Variants in APLP1 observed in about 807,000 individuals in gnomAD.
APLP1 encodes the protein amyloid beta (A4) precursor-like protein 1.
APLP1 carries 46 observed loss-of-function variants against 84.5 expected under a neutral mutation model. The observed-to-expected ratio is 0.54, with a 90% CI of 0.43 to 0.70. APLP1 has a LOEUF of 0.70. APLP1 is among the 30% of genes least tolerant of loss of function. The pLI, the probability that APLP1 is intolerant of heterozygous loss-of-function variation, is 0.00. For synonymous variants in APLP1, 376 were observed against 364.0 expected (o/e 1.03, Z -0.38); for missense variants, 826 against 900.2 (o/e 0.92, Z 1.05).
rs937810218 is a variant in APLP1, at chr19:35,879,169, C to T, written c.1809C>T (p.Leu603=). The change falls in exon 16 of 17, where the codon CTC becomes CTT. Residue 603 remains leucine (L), a synonymous_variant. Coordinates refer to ENST00000221891, the MANE Select transcript of APLP1 (RefSeq NM_001024807.3). The stretch of plus-strand genomic sequence containing the variant: ...CCCTCATCGTCCTCTCCATGCTGCT[C>T]CTGCGCAGGAAGAAGCCCTACGGGG... ...GGSLIVLSML[L]LRRKKPYGAI... 30 of 1,612,940 alleles carry T rather than the reference C, an allele frequency of 1.9e-5. No individual in the cohort carries two copies. The highest frequency in any genetic ancestry group is 2.5e-5 in the Non-Finnish European group (29 of 1,180,014).
chr19:35,869,843 C>G (rs1453010157), intron 2 of APLP1, 33 bp downstream of exon 2: 2 of 1,555,910 alleles, frequency 1.3e-6, no homozygotes. Context: ...GGCGGGGCCG[C>G]CCATAGAAAG....
intron 10 of APLP1, among the ~76,000 whole-genome samples, chr19:35,875,736 C>T (rs1974268140): frequency 6.6e-6 from 1 of 152,168 alleles, no homozygotes; most frequent in Admixed American, 6.5e-5. Context: ...GCTGGGATTA[C>T]AGGCGTGAGC....
rs1568475992 is a variant in APLP1, at chr19:35,874,306, C to T, written c.1057-198C>T. 6.6e-6 allele frequency among the ~76,000 whole-genome samples: 1 copy of T among 152,222 alleles called. No homozygotes were observed. Among genetic ancestry groups the T allele is most frequent in the Non-Finnish European group, 1.5e-5 (1 of 68,030 alleles). On this transcript the variant is annotated intron_variant, in intron 8 of 16. Transcript: ENST00000221891. This position sits in a 1 kb window ranked among gnomAD's most constrained non-coding sequence, Gnocchi z 6.4. ...CTTACAGTTTACATCCTCACATTGG[C>T]TCCCAGTGGGCCTAGTCCCACCTCC...
In APLP1 at chr19:35,877,801, C is replaced by T; in HGVS notation, c.1528C>T (p.Leu510=). ...PGGSSEDKGG[L]QPPDSKDADT... ...GGGCAGCAGCGAGGACAAGGGTGGGCTGCAGCCTCCAGATTCCAAGGATGG... is the reference window on the plus strand; with the variant it reads ...GGGCAGCAGCGAGGACAAGGGTGGGTTGCAGCCTCCAGATTCCAAGGATGG... The change falls in exon 12 of 17, where the codon CTG becomes TTG. Residue 510 remains leucine (L), a synonymous_variant. Coordinates refer to ENST00000221891, the MANE Select transcript of APLP1 (RefSeq NM_001024807.3). 6.2e-7 allele frequency: 1 copy of T among 1,610,732 alleles called. No individual in the cohort carries two copies. The highest frequency in any genetic ancestry group is 8.5e-7 in the Non-Finnish European group (1 of 1,179,044).
Position 35,878,069 on chromosome 19 carries a change from C to T in APLP1, c.1553-13C>T. 5 of 1,612,272 alleles carry T rather than the reference C, an allele frequency of 3.1e-6. No homozygotes were observed. The highest frequency in any genetic ancestry group is 4.2e-6 in the Non-Finnish European group (5 of 1,179,274). Reference sequence around the variant, plus strand: ...CTTCACTGTTCCACTCCCTTGCTTCCTCTGGCTGCCAGCAGACACCCCCAT... The same window carrying T: ...CTTCACTGTTCCACTCCCTTGCTTCTTCTGGCTGCCAGCAGACACCCCCAT... On this transcript the variant is annotated splice_polypyrimidine_tract_variant and intron_variant, in intron 12 of 16. Transcript: ENST00000221891.
At chr19:35,869,443 C>G (rs1407916496) in intron 1 of APLP1, 2 of 684,504 alleles carry the variant, frequency 2.9e-6, no homozygotes, top group African/African-American at 3.7e-5. Context: ...GGCAACAAGG[C>G]AGAAAGAATC....
chr19:35,874,356 C>G lies in APLP1; in HGVS notation c.1057-148C>G, dbSNP rs1461658005. The G allele has an allele frequency of 5.2e-6, 5 of 956,344 alleles. No individual in the cohort carries two copies. In the African/African-American group the frequency reaches 8.1e-5, roughly 16 times the overall value. The allele number at this position is 956,344 out of a possible 1,614,324, so 59.2% of individuals were successfully genotyped here. A position where few individuals can be genotyped will look rare whatever the true frequency, so the allele number is the denominator to read the frequency against. On this transcript the variant is annotated intron_variant, in intron 8 of 16. Coordinates refer to ENST00000221891, the MANE Select transcript of APLP1 (RefSeq NM_001024807.3). The surrounding 1 kb of genome is among the most constrained non-coding windows in gnomAD (Gnocchi z 6.4). The stretch of plus-strand genomic sequence containing the variant: ...CACTCTGCCTGGCCCTGTAGCCCAC[C>G]CCTTCCAGTCCATAACCTTTGGTTC...
intron 8 of APLP1, among the ~76,000 whole-genome samples, 162 bp downstream of exon 8, chr19:35,873,875 C>T (rs952627724): frequency 1.3e-5 from 2 of 152,150 alleles, no homozygotes; most frequent in Non-Finnish European, 2.9e-5. Flanking sequence ...CCCTCTTAGC[C>T]GTCATCTGAC....
rs533968584 is a variant in APLP1 at position 35,870,039 on chromosome 19, T to C, written c.291+229T>C. ...GTGGAATTTAGGAATCTGGTGGTCT[T>C]TGTAAAGAGTAGAGGTGTAGGGGGG... On this transcript the variant is annotated intron_variant, in intron 2 of 16. Transcript: ENST00000221891. 55 of 600,412 alleles carry C rather than the reference T, an allele frequency of 9.2e-5. 1 individual carries two copies. In the Admixed American group the frequency reaches 1.7e-3, roughly 18 times the overall value. The allele number at this position is 600,412 out of a possible 1,614,324, so 37.2% of individuals were successfully genotyped here.
Position 35,878,115 on chromosome 19 carries a change from GTC to G in APLP1, c.1579+10_1579+11del. ...CCCATGACCCTTCCAAAAGGTGAGT[GTC>G]TCACAGTTAACCCCAGCCTCCAAAT... On this transcript the variant is annotated splice_region_variant and intron_variant, in intron 13 of 16. Transcript: ENST00000221891. 2 of 1,612,274 alleles carry G rather than the reference GTC, an allele frequency of 1.2e-6. No homozygotes were observed. Among genetic ancestry groups the G allele is most frequent in the African/African-American group, 2.7e-5 (2 of 74,932 alleles).
rs114197941 is a variant in APLP1 at position 35,873,087 on chromosome 19, C to T, written c.981+474C>T. 9.2e-3 allele frequency among the ~76,000 whole-genome samples: 1,393 copies of T among 151,084 alleles called. 19 individuals carry two copies. Among genetic ancestry groups the T allele is most frequent in the African/African-American group, 0.032 (1,301 of 41,126 alleles). On this transcript the variant is annotated intron_variant, in intron 7 of 16. Coordinates refer to ENST00000221891, the MANE Select transcript of APLP1 (RefSeq NM_001024807.3). ...GTTGGCCAGGATGGTCTTGAACTCC[C>T]GGCGGGAGGAGATCCACCCGCCTCG... is the stretch of plus-strand genomic sequence containing the variant.
Position 35,870,957 on chromosome 19 carries a change from G to A in APLP1, c.353G>A (p.Arg118His), listed in dbSNP as rs770640861. The A allele has an allele frequency of 5.7e-6, 9 of 1,589,948 alleles. No individual in the cohort carries two copies. The highest frequency in any genetic ancestry group is 4.5e-5 in the East Asian group (2 of 44,046). Residue 118 changes from arginine (R) to histidine (H), a missense_variant, in exon 3 of 17, where the codon CGC becomes CAC. Physicochemically the swap from Arg to His is conservative, Grantham distance 29. Around this residue, in one of 3 missense-constraint regions of APLP1, gnomAD observed 383 missense variants for 378.3 expected, o/e 1.01. Coordinates refer to ENST00000221891, the MANE Select transcript of APLP1 (RefSeq NM_001024807.3). ...GCTACGCAGGCCATCCCCATGGAGC[G>A]CTGGTGCGGGGGTTCCCGGAGCGGC... Reference protein sequence around the residue: ...EQATQAIPMERWCGGSRSGSC... With the variant: ...EQATQAIPMEHWCGGSRSGSC...
rs1974359415 is a variant in APLP1, at chr19:35,879,231, C to T, written c.1857+14C>T. 1.9e-6 allele frequency: 3 copies of T among 1,610,842 alleles called. No individual in the cohort carries two copies. Among genetic ancestry groups the T allele is most frequent in the Middle Eastern group, 1.7e-4 (1 of 6,052 alleles). On this transcript the variant is annotated intron_variant, in intron 16 of 16. Transcript: ENST00000221891. ...GGCGTGGTGGAGGTGAGAACCATGG[C>T]GTGGTGGAGGTGTGGGAAGAGTTCC...
At chr19:35,876,227 C>G (rs1361847510) in intron 10 of APLP1, among the ~76,000 whole-genome samples, 3 of 152,190 alleles carry the variant, frequency 2.0e-5, no homozygotes, top group Non-Finnish European at 2.9e-5. Context: ...AAACTCCATT[C>G]TGTGCTCTTG....
At position 35,868,735 on chromosome 19, in the gene APLP1, G is replaced by T. The variant is rs1369749532; in HGVS notation, c.99G>T (p.Ala33=). ...CACTATTGCTGCTGCTTCTGCGCGC[G>T]CAGCCCGCCATCGGGAGCCTGGCCG... ...LLPLLLLLLR[A]QPAIGSLAGG... The change falls in exon 1 of 17, where the codon GCG becomes GCT. Residue 33 remains alanine, a synonymous_variant. Transcript: ENST00000221891. This position sits in a 1 kb window ranked among gnomAD's most constrained non-coding sequence, Gnocchi z 5.2. 1.4e-6 allele frequency: 2 copies of T among 1,389,392 alleles called. No homozygotes were observed. Among genetic ancestry groups the T allele is most frequent in the Admixed American group, 3.3e-5 (1 of 30,042 alleles). 86.1% of individuals were successfully genotyped at this position (1,389,392 alleles called of 1,614,324 possible).
chr19:35,868,720 G>T lies in APLP1; in HGVS notation c.84G>T (p.Leu28=). The T allele has an allele frequency of 2.1e-6, 3 of 1,407,278 alleles. No homozygotes were observed. Among genetic ancestry groups the T allele is most frequent in the Non-Finnish European group, 2.8e-6 (3 of 1,084,740 alleles). 87.2% of individuals were successfully genotyped at this position (1,407,278 alleles called of 1,614,324 possible). A position where few individuals can be genotyped will look rare whatever the true frequency, so the allele number is the denominator to read the frequency against. The part of the protein sequence containing the change: ...PPLPLLLPLL[L]LLLRAQPAIG... ...TGCCGCTGCTGCTGCCACTATTGCT[G>T]CTGCTTCTGCGCGCGCAGCCCGCCA... is the stretch of plus-strand genomic sequence containing the variant. The change falls in exon 1 of 17, where the codon CTG becomes CTT. Residue 28 remains leucine (L), a synonymous_variant. Transcript: ENST00000221891. The surrounding 1 kb of genome is among the most constrained non-coding windows in gnomAD (Gnocchi z 5.2).
Position 35,879,469 on chromosome 19 carries a change from G to T in APLP1, c.*28G>T, listed in dbSNP as rs764542691. On this transcript the variant is annotated 3_prime_UTR_variant, in exon 17 of 17. Coordinates refer to ENST00000221891, the MANE Select transcript of APLP1 (RefSeq NM_001024807.3). ...CGGCCCCCTTCACCCCTTCAGCCGA[G>T]CCCAGACCTCCCCTCTTCCTGGAGC... The T allele has an allele frequency of 3.7e-6, 6 of 1,601,422 alleles. No homozygotes were observed. The highest frequency in any genetic ancestry group is 2.2e-5 in the East Asian group (1 of 44,822).
intron 7 of APLP1, among the ~76,000 whole-genome samples, chr19:35,873,203 C>T (rs1281144197): frequency 6.6e-6 from 1 of 151,492 alleles, no homozygotes; most frequent in Admixed American, 6.6e-5. Context: ...CTCTTGGGAA[C>T]CCAGGAGCCA....
Position 35,878,082 on chromosome 19 carries a change from C to T in APLP1, c.1553C>T (p.Ala518Val), listed in dbSNP as rs757239434. Reference protein sequence around the residue: ...GGLQPPDSKDADTPMTLPKGS... With the variant: ...GGLQPPDSKDVDTPMTLPKGS... ...CTCCCTTGCTTCCTCTGGCTGCCAG[C>T]AGACACCCCCATGACCCTTCCAAAA... is the stretch of plus-strand genomic sequence containing the variant. Residue 518 changes from alanine to valine, a missense_variant and splice_region_variant, in exon 13 of 17, where the codon GCA (alanine) becomes GTA (valine). Coordinates refer to ENST00000221891, the MANE Select transcript of APLP1 (RefSeq NM_001024807.3). 5 of 1,612,574 alleles carry T rather than the reference C, an allele frequency of 3.1e-6. No homozygotes were observed. The Admixed American group carries it at 8.4e-5, about 27-fold the overall frequency.
Sources: gnomAD v4.1 joint callset for allele counts (sites outside exome capture counted in the v4.1 genomes callset) on GRCh38, gnomAD v4.1.1 for gene constraint, gnomAD v4.1.1 regional missense constraint, Gnocchi (gnomAD v3.1) non-coding constraint, MANE v1.5 for transcripts, NCBI Gene and HGNC (gene_info 2026-07-23, HGNC 2026-07-21) for gene names.